Variants in CNOT6L observed in about 807,000 individuals in gnomAD.
CNOT6L encodes the protein CCR4-NOT transcription complex subunit 6 like, also known as CCR4-NOT transcription complex subunit 6-like.
A neutral mutation model predicts 64.0 loss-of-function variants in CNOT6L; 7 were observed. The observed-to-expected ratio is 0.11, with a 90% CI of 0.06 to 0.21. The LOEUF is 0.21. Ranked by LOEUF, CNOT6L falls within the 10% of genes least tolerant of loss-of-function variation. The probability of loss-of-function intolerance (pLI) is 1.00; values close to 1 mark genes in which losing one functional copy is unlikely to be tolerated. For synonymous variants in CNOT6L, 193 were observed against 243.4 expected, an observed-to-expected ratio of 0.79 and a Z score of 1.93; for missense variants, 245 against 669.0, an observed-to-expected ratio of 0.37 and a Z score of 6.99.
chr4:77,784,367 A>C (rs1402014218), intron 1 of CNOT6L, among the ~76,000 whole-genome samples: 1 of 152,184 alleles, frequency 6.6e-6, no homozygotes, highest in Non-Finnish European at 1.5e-5. Flanking sequence ...TTCATTATCA[A>C]TATGGACAAC....
intron 1 of CNOT6L, among the ~76,000 whole-genome samples, chr4:77,816,676 T>C (rs1733617374): frequency 6.6e-6 from 1 of 152,206 alleles, no homozygotes; most frequent in Non-Finnish European, 1.5e-5. Context: ...TAATATTTTT[T>C]AAAGCTTATC....
intron 1 of CNOT6L, among the ~76,000 whole-genome samples, chr4:77,793,763 T>G (rs1730454425): frequency 6.6e-6 from 1 of 152,168 alleles, no homozygotes; most frequent in African/African-American, 2.4e-5. Context: ...ACAGATAAGC[T>G]TTCTATGCAG....
chr4:77,722,098 G>T (rs960160286), intron 11 of CNOT6L, among the ~76,000 whole-genome samples: 1 of 152,046 alleles, frequency 6.6e-6, no homozygotes, highest in Non-Finnish European at 1.5e-5. Context: ...GGATCATAAG[G>T]TATTATCCCT....
At chr4:77,756,145 G>A (rs754677265) in intron 5 of CNOT6L, among the ~76,000 whole-genome samples, 11 of 151,994 alleles carry the variant, frequency 7.2e-5, no homozygotes, top group Non-Finnish European at 1.5e-4. Context: ...CACCACGCCT[G>A]GCTAATTTTT....
At chr4:77,808,669 T>C (rs1359042929) in intron 1 of CNOT6L, among the ~76,000 whole-genome samples, 1 of 152,104 alleles carries the variant, frequency 6.6e-6, no homozygotes, top group Non-Finnish European at 1.5e-5. Context: ...ATAATGGAAG[T>C]TGTAGACTAG....
intron 1 of CNOT6L, among the ~76,000 whole-genome samples, chr4:77,817,379 T>C (rs549378708): frequency 2.1e-3 from 313 of 152,354 alleles, no homozygotes; most frequent in Middle Eastern, 0.01. Flanking sequence ...TTTTACGTTA[T>C]AGTTACTTAA....
chr4:77,756,794 AG>A, intron 5 of CNOT6L, 67 bp downstream of exon 5: 2 of 952,310 alleles, frequency 2.1e-6, no homozygotes, highest in Non-Finnish European at 3.2e-6. Context: ...GATGCTCTTG[AG>A]GAACATATAT....
chr4:77,778,868 C>A (rs571159308), intron 1 of CNOT6L, among the ~76,000 whole-genome samples: 111 of 151,298 alleles, frequency 7.3e-4, no homozygotes, highest in Middle Eastern at 3.4e-3. Flanking sequence ...CACGGTGAAA[C>A]CCCGTCTCTA....
At chr4:77,792,764 G>A (rs538232542) in intron 1 of CNOT6L, among the ~76,000 whole-genome samples, 1 of 147,006 alleles carries the variant, frequency 6.8e-6, no homozygotes, top group African/African-American at 2.5e-5. Flanking sequence ...AGAAAGTATT[G>A]ATTAGTAACT....
chr4:77,775,913 C>A (rs1273287912), intron 2 of CNOT6L, among the ~76,000 whole-genome samples: 5 of 152,026 alleles, frequency 3.3e-5, no homozygotes, highest in Non-Finnish European at 7.4e-5. Flanking sequence ...GAATAAATAG[C>A]TTCCAGGTTT....
chr4:77,733,280 T>C (rs1359093536), intron 8 of CNOT6L, among the ~76,000 whole-genome samples: 1 of 152,104 alleles, frequency 6.6e-6, no homozygotes, highest in African/African-American at 2.4e-5. Flanking sequence ...TTGTTTTGGT[T>C]ACAGAGTATT....
chr4:77,771,357 G>A (rs1727543416), intron 4 of CNOT6L, among the ~76,000 whole-genome samples: 1 of 152,026 alleles, frequency 6.6e-6, no homozygotes, highest in African/African-American at 2.4e-5. Context: ...TTATTCATTT[G>A]TCATTGATAT....
At chr4:77,758,691 T>C (rs1170117021) in intron 4 of CNOT6L, among the ~76,000 whole-genome samples, 1 of 152,140 alleles carries the variant, frequency 6.6e-6, no homozygotes, top group African/African-American at 2.4e-5. Context: ...CCATGTAGAT[T>C]AGCTTGAGAG....
intron 4 of CNOT6L, among the ~76,000 whole-genome samples, chr4:77,767,394 T>TA (rs1185239715): frequency 6.6e-6 from 1 of 152,064 alleles, no homozygotes; most frequent in Non-Finnish European, 1.5e-5. Context: ...AAAACACTGC[T>TA]AAAGAAAAAT....
At chr4:77,763,954 A>G (rs1726525069) in intron 4 of CNOT6L, among the ~76,000 whole-genome samples, 1 of 152,254 alleles carries the variant, frequency 6.6e-6, no homozygotes, top group Non-Finnish European at 1.5e-5. Flanking sequence ...CTTCCTATCA[A>G]AATAGTGTAT....
At chr4:77,767,146 TAA>T (rs2110036776) in intron 4 of CNOT6L, among the ~76,000 whole-genome samples, 1 of 100,932 alleles carries the variant, frequency 9.9e-6, no homozygotes, top group East Asian at 3.4e-4. Flanking sequence ...TACCTAGAAA[TAA>T]GTCTAACAGA....
chr4:77,792,233 T>C lies in CNOT6L; in HGVS notation c.6-15841A>G, dbSNP rs1730236575. On this transcript the variant is annotated intron_variant, in intron 1 of 11. Coordinates refer to ENST00000504123, the MANE Select transcript of CNOT6L (RefSeq NM_144571.3). ...CAATGACATATAAAAAAGTATAGAT[T>C]TGGGTGCTGTTAACCACCGATAACC... 2.6e-5 allele frequency among the ~76,000 whole-genome samples: 4 copies of C among 151,968 alleles called. No individual in the cohort carries two copies. In the South Asian group the frequency reaches 8.3e-4, roughly 32 times the overall value.
At chr4:77,803,959 GAA>G (rs1202266448) in intron 1 of CNOT6L, among the ~76,000 whole-genome samples, 1 of 151,898 alleles carries the variant, frequency 6.6e-6, no homozygotes. Context: ...TGCTACTGTG[GAA>G]AAGTTTGTCA....
At chr4:77,745,998 C>T (rs998397105) in intron 6 of CNOT6L, among the ~76,000 whole-genome samples, 1 of 152,140 alleles carries the variant, frequency 6.6e-6, no homozygotes, top group African/African-American at 2.4e-5. Context: ...GACTTTTGTA[C>T]TTTCTGAGTA....
Sources: gnomAD v4.1 joint callset for allele counts (sites outside exome capture counted in the v4.1 genomes callset) on GRCh38, gnomAD v4.1.1 for gene constraint, MANE v1.5 for transcripts, NCBI Gene and HGNC (gene_info 2026-07-23, HGNC 2026-07-21) for gene names.